The following SGCZ variants were observed in gnomAD, a reference collection of about 807,000 sequenced individuals.
SGCZ encodes sarcoglycan zeta.
A neutral mutation model predicts 41.3 loss-of-function variants in SGCZ; 40 were observed. The observed-to-expected ratio is 0.97, with a 90% CI of 0.75 to 1.26. SGCZ has a LOEUF of 1.26. SGCZ is among the 50% of genes most tolerant of loss of function. The pLI, the probability that SGCZ is intolerant of heterozygous loss-of-function variation, is 0.00. For missense variants in SGCZ, 552 were observed against 369.8 expected (o/e 1.49, Z -4.04); for synonymous variants, 206 against 137.5 (o/e 1.50, Z -3.49).
At position 14,859,092 on chromosome 8, in the gene SGCZ, C is replaced by A. The variant is rs116426737; in HGVS notation, c.40-304166G>T. Among the ~76,000 whole-genome samples, 1,331 of 152,136 alleles carry A rather than the reference C, an allele frequency of 8.7e-3. 22 individuals carry two copies. The highest frequency in any genetic ancestry group is 0.029 in the African/African-American group (1,185 of 41,510). On this transcript the variant is annotated intron_variant, in intron 1 of 7. Coordinates refer to ENST00000382080, the MANE Select transcript of SGCZ (RefSeq NM_139167.4). The stretch of plus-strand genomic sequence containing the variant: ...GAAAATAGCAACTTCAGTCAACATC[C>A]CAAACAATGCCAGAAGTCCTTTTCC...
intron 1 of SGCZ, among the ~76,000 whole-genome samples, chr8:15,226,537 G>A (rs953757467): frequency 2.0e-5 from 3 of 152,074 alleles, no homozygotes; most frequent in African/African-American, 7.2e-5. Flanking sequence ...ATTTTTGAGG[G>A]TGCCCTTAGG....
At chr8:14,916,476 G>T (rs1563361354) in intron 1 of SGCZ, among the ~76,000 whole-genome samples, 2 of 152,180 alleles carry the variant, frequency 1.3e-5, no homozygotes, top group Admixed American at 1.3e-4. Context: ...TGTGGTAGCT[G>T]TTTTTTCAGG....
intron 2 of SGCZ, among the ~76,000 whole-genome samples, chr8:14,360,190 A>G (rs1028298972): frequency 5.3e-5 from 8 of 152,276 alleles, no homozygotes; most frequent in African/African-American, 1.9e-4. Context: ...CCCTGCCCTT[A>G]AAATCTGGAA....
intron 2 of SGCZ, among the ~76,000 whole-genome samples, chr8:14,479,890 C>T (rs1456054725): frequency 2.0e-5 from 3 of 149,082 alleles, no homozygotes; most frequent in Non-Finnish European, 4.5e-5. Context: ...GGATTACAGG[C>T]GTGCACTAGC....
chr8:14,851,689 C>CT, intron 1 of SGCZ, among the ~76,000 whole-genome samples: 1 of 151,898 alleles, frequency 6.6e-6, no homozygotes, highest in African/African-American at 2.4e-5. Flanking sequence ...AGAGGTAATC[C>CT]ATTTATAGAA....
intron 1 of SGCZ, among the ~76,000 whole-genome samples, chr8:14,776,388 G>A (rs551146924): frequency 2.6e-5 from 4 of 152,116 alleles, no homozygotes; most frequent in African/African-American, 7.2e-5. Context: ...CATGTAAGAT[G>A]GGCCTTTGCT....
intron 3 of SGCZ, among the ~76,000 whole-genome samples, chr8:14,239,781 A>G (rs1257102556): frequency 6.7e-6 from 1 of 149,468 alleles, no homozygotes; most frequent in Non-Finnish European, 1.5e-5. Flanking sequence ...GGGCGCCTGT[A>G]GTCCCAGCTA....
chr8:14,470,660 G>A (rs535338350), intron 2 of SGCZ, among the ~76,000 whole-genome samples: 23 of 152,124 alleles, frequency 1.5e-4, no homozygotes, highest in Non-Finnish European at 2.8e-4. Context: ...ACTATATGAC[G>A]GTTGGAGATA....
intron 1 of SGCZ, among the ~76,000 whole-genome samples, chr8:14,970,487 T>C (rs752903058): frequency 5.3e-5 from 8 of 152,192 alleles, no homozygotes; most frequent in Non-Finnish European, 8.8e-5. Flanking sequence ...ACATGCTGAA[T>C]TATTTTTATA....
intron 3 of SGCZ, among the ~76,000 whole-genome samples, chr8:14,275,572 G>T (rs961415466): frequency 3.3e-5 from 5 of 152,082 alleles, no homozygotes; most frequent in South Asian, 2.1e-4. Flanking sequence ...GGGTTTAGGG[G>T]AAACATAAAA....
At chr8:14,502,169 T>C (rs1219812389) in intron 2 of SGCZ, among the ~76,000 whole-genome samples, 1 of 152,130 alleles carries the variant, frequency 6.6e-6, no homozygotes, top group African/African-American at 2.4e-5. Flanking sequence ...TTTTTCATGA[T>C]GGATCCTTGT....
At chr8:14,627,481 C>T (rs1357246225) in intron 1 of SGCZ, among the ~76,000 whole-genome samples, 1 of 152,012 alleles carries the variant, frequency 6.6e-6, no homozygotes, top group Non-Finnish European at 1.5e-5. Flanking sequence ...TTCCACTGTC[C>T]TATCCTCACA....
intron 7 of SGCZ, among the ~76,000 whole-genome samples, chr8:14,092,069 TA>T (rs1457255042): frequency 6.6e-6 from 1 of 152,142 alleles, no homozygotes; most frequent in Non-Finnish European, 1.5e-5. Flanking sequence ...ATTTATTAAA[TA>T]GGGAATCCTT....
chr8:14,824,889 T>C (rs559782343), intron 1 of SGCZ, among the ~76,000 whole-genome samples: 6 of 152,128 alleles, frequency 3.9e-5, no homozygotes, highest in African/African-American at 1.2e-4. Context: ...CTGTGATTTA[T>C]ATGCTTATGG....
chr8:14,544,390 G>A (rs1342345206), intron 2 of SGCZ, among the ~76,000 whole-genome samples: 1 of 152,030 alleles, frequency 6.6e-6, no homozygotes, highest in Non-Finnish European at 1.5e-5. Context: ...CGATTTTTAT[G>A]GAACAAGGGA....
At chr8:15,002,926 T>C (rs1802479679) in intron 1 of SGCZ, among the ~76,000 whole-genome samples, 1 of 152,030 alleles carries the variant, frequency 6.6e-6, no homozygotes, top group South Asian at 2.1e-4. Context: ...TCTTGTGATG[T>C]TTCCATTATA....
chr8:14,935,475 T>C lies in SGCZ; in HGVS notation c.39+302110A>G, dbSNP rs148012290. ...CTACTGTGAGAAAAAAAGGTAGATG[T>C]TAATGTCTTATTAAAAGATCCAGTT... On this transcript the variant is annotated intron_variant, in intron 1 of 7. Transcript: ENST00000382080. 2.7e-4 allele frequency among the ~76,000 whole-genome samples: 41 copies of C among 150,674 alleles called. 2 individuals are homozygous for C. Among genetic ancestry groups the C allele is most frequent in the African/African-American group, 9.9e-4 (40 of 40,254 alleles).
At chr8:14,381,048 C>G (rs1045844713) in intron 2 of SGCZ, among the ~76,000 whole-genome samples, 2 of 152,054 alleles carry the variant, frequency 1.3e-5, no homozygotes, top group Non-Finnish European at 2.9e-5. Flanking sequence ...ATTTCTGACT[C>G]ACATTATCTT....
At chr8:14,974,970 G>A (rs28408309) in intron 1 of SGCZ, among the ~76,000 whole-genome samples, 10,530 of 152,036 alleles carry the variant, frequency 0.069, 527 homozygotes, top group African/African-American at 0.13. Context: ...AGGGACTTAA[G>A]GTTATCTCTC....
Sources: gnomAD v4.1 joint callset for allele counts (sites outside exome capture counted in the v4.1 genomes callset) on GRCh38, gnomAD v4.1.1 for gene constraint, MANE v1.5 for transcripts, NCBI Gene and HGNC (gene_info 2026-07-23, HGNC 2026-07-21) for gene names.